The following ZUP1 variants were observed in gnomAD, a reference collection of about 807,000 sequenced individuals.
The protein encoded by ZUP1 is zinc finger containing ubiquitin peptidase 1.
ZUP1 carries 55 observed loss-of-function variants against 68.1 expected under a neutral mutation model. That is an observed-to-expected ratio of 0.81 (90% CI 0.65 to 1.01). ZUP1 has a LOEUF of 1.01. Among genes scored for constraint, ZUP1 ranks in the 50% least tolerant of loss-of-function variants. The pLI, the probability that ZUP1 is intolerant of heterozygous loss-of-function variation, is 0.00. For missense variants in ZUP1, 684 were observed against 674.9 expected (o/e 1.01, Z -0.15); for synonymous variants, 223 against 221.5 (o/e 1.01, Z -0.06).
chr6:116,637,359 A>G (rs1471031265), intron 9 of ZUP1, among the ~76,000 whole-genome samples: 1 of 152,170 alleles, frequency 6.6e-6, no homozygotes, highest in African/African-American at 2.4e-5. Flanking sequence ...TGTGCTTAGG[A>G]TAAGATAGCC....
intron 2 of ZUP1, among the ~76,000 whole-genome samples, chr6:116,664,623 C>T (rs1057115551): frequency 1.3e-5 from 2 of 151,692 alleles, no homozygotes; most frequent in East Asian, 1.9e-4. Flanking sequence ...AAATGAAGAA[C>T]GAGGGAAAAA....
intron 9 of ZUP1, among the ~76,000 whole-genome samples, chr6:116,640,630 G>T: frequency 6.6e-6 from 1 of 151,834 alleles, no homozygotes; most frequent in South Asian, 2.1e-4. Context: ...TTACAGACAA[G>T]CAAATGCTGA....
chr6:116,662,626 T>C (rs1316315743), intron 2 of ZUP1, among the ~76,000 whole-genome samples: 1 of 152,206 alleles, frequency 6.6e-6, no homozygotes, highest in Non-Finnish European at 1.5e-5. Flanking sequence ...CCATCGGTCA[T>C]CAGTCAGCTT....
At chr6:116,651,966 T>C (rs1489343860) in intron 6 of ZUP1, 38 bp downstream of exon 6, 4 of 1,588,638 alleles carry the variant, frequency 2.5e-6, no homozygotes, top group Non-Finnish European at 3.4e-6. Context: ...ATATGTATTT[T>C]ATCAGATGAC....
intron 5 of ZUP1, among the ~76,000 whole-genome samples, chr6:116,652,610 A>G (rs1776545990): frequency 6.6e-6 from 1 of 152,022 alleles, no homozygotes; most frequent in Non-Finnish European, 1.5e-5. Context: ...AGATTTTGCA[A>G]TTTTCGAAGC....
chr6:116,644,483 T>C (rs963248877), intron 9 of ZUP1, among the ~76,000 whole-genome samples: 4 of 152,190 alleles, frequency 2.6e-5, no homozygotes, highest in East Asian at 3.8e-4. Context: ...ATGTGGCACA[T>C]ATATACCATG....
chr6:116,661,345 C>T (rs1012493918), intron 2 of ZUP1, among the ~76,000 whole-genome samples: 4 of 142,990 alleles, frequency 2.8e-5, no homozygotes, highest in African/African-American at 1.0e-4. Context: ...TCTCATACCA[C>T]TCCAAAAAAA....
chr6:116,657,409 T>C (rs1341328307), intron 4 of ZUP1, among the ~76,000 whole-genome samples: 2 of 152,152 alleles, frequency 1.3e-5, no homozygotes, highest in South Asian at 2.1e-4. Context: ...AACAACTAAC[T>C]TGCAAAATTA....
chr6:116,647,472 A>G lies in ZUP1; in HGVS notation c.1455T>C (p.Tyr485=). 6.4e-7 allele frequency: 1 copy of G among 1,568,368 alleles called. No homozygotes were observed. Among genetic ancestry groups the G allele is most frequent in the Non-Finnish European group, 8.7e-7 (1 of 1,152,156 alleles). ...ATTAATACTAACCTTGATGCTGAAG[A>G]TAGATAGGAGGTTTAGATGTACACA... The part of the protein sequence containing the change: ...KVVCTSKPPI[Y]LQHQGHSRTV... Residue 485 remains tyrosine, a synonymous_variant, in exon 8 of 10, where the codon TAT becomes TAC. Transcript: ENST00000368576.
chr6:116,660,572 A>G (rs1562410450), intron 3 of ZUP1, among the ~76,000 whole-genome samples, 164 bp downstream of exon 3: 1 of 152,216 alleles, frequency 6.6e-6, no homozygotes, highest in African/African-American at 2.4e-5. Context: ...ATATTCAGAT[A>G]CTTCTAGCTG....
In ZUP1 at chr6:116,647,511, C is replaced by T; in HGVS notation, c.1416G>A (p.Gly472=). The T allele has an allele frequency of 6.2e-7, 1 of 1,600,462 alleles. No individual in the cohort carries two copies. The highest frequency in any genetic ancestry group is 1.7e-5 in the Admixed American group (1 of 59,798). Residue 472 remains glycine (G), a synonymous_variant, in exon 8 of 10, where the codon GGG becomes GGA. Transcript: ENST00000368576. The part of the protein sequence containing the change: ...ILNYYSSEGE[G]SPKVVCTSKP... ...TAGATGTACACACTACCTTTGGACT[C>T]CCTTCTCCCTCTGAAGAATAATAGT... is the stretch of plus-strand genomic sequence containing the variant.
chr6:116,661,451 G>C (rs1315772876), intron 2 of ZUP1, among the ~76,000 whole-genome samples: 3 of 152,146 alleles, frequency 2.0e-5, no homozygotes, highest in African/African-American at 7.2e-5. Flanking sequence ...TCTGGATATG[G>C]GTTTTTAGGA....
At chr6:116,649,505 CA>C (rs2115394792) in intron 7 of ZUP1, among the ~76,000 whole-genome samples, 1 of 152,030 alleles carries the variant, frequency 6.6e-6, no homozygotes, top group Admixed American at 6.5e-5. Flanking sequence ...CCGTATGTTT[CA>C]AAATCAGAGA....
intron 9 of ZUP1, among the ~76,000 whole-genome samples, chr6:116,644,078 T>A (rs1438567009): frequency 2.6e-5 from 4 of 151,986 alleles, no homozygotes; most frequent in African/African-American, 9.7e-5. Flanking sequence ...GCCAAAAGAC[T>A]CATGAAAAAA....
In ZUP1 at chr6:116,652,037, A is replaced by G. The variant is rs200024158; in HGVS notation, c.1117T>C (p.Leu373=). ...RNFQMLLSSL[L]QNDAYNDCLK... The stretch of plus-strand genomic sequence containing the variant: ...CAATCGTTGTAAGCATCATTTTGTA[A>G]TAATGATGAAAGTAGCATTTGGAAA... Residue 373 remains leucine (L), a synonymous_variant, in exon 6 of 10, where the codon TTA becomes CTA. Transcript: ENST00000368576. 2.3e-5 allele frequency: 37 copies of G among 1,613,850 alleles called. No individual in the cohort carries two copies. Among genetic ancestry groups the G allele is most frequent in the Non-Finnish European group, 2.5e-5 (29 of 1,179,894 alleles).
chr6:116,635,970 A>G (rs1583355449), intron 9 of ZUP1, 91 bp from the exon 10 acceptor site: 1 of 918,058 alleles, frequency 1.1e-6, no homozygotes, highest in African/African-American at 1.7e-5. Context: ...TAAAATCTGG[A>G]ATTTTTTTTC....
At chr6:116,663,561 T>C (rs533708572) in intron 2 of ZUP1, among the ~76,000 whole-genome samples, 1 of 152,204 alleles carries the variant, frequency 6.6e-6, no homozygotes. Context: ...TTTTTTTTCC[T>C]TGCAGCAGTC....
At chr6:116,660,694 A>G (rs751454047) in intron 3 of ZUP1, 42 bp downstream of exon 3, 1 of 1,151,542 alleles carries the variant, frequency 8.7e-7, no homozygotes, top group South Asian at 1.4e-5. Flanking sequence ...CCTAGAAAGT[A>G]GAAATTAAAT....
intron 4 of ZUP1, among the ~76,000 whole-genome samples, chr6:116,657,536 C>T (rs1194954571): frequency 1.3e-5 from 2 of 152,018 alleles, no homozygotes; most frequent in Non-Finnish European, 2.9e-5. Context: ...TTGTGAGTCA[C>T]CAGTGAGAAA....
Sources: gnomAD v4.1 joint callset for allele counts (sites outside exome capture counted in the v4.1 genomes callset) on GRCh38, gnomAD v4.1.1 for gene constraint, MANE v1.5 for transcripts, NCBI Gene and HGNC (gene_info 2026-07-23, HGNC 2026-07-21) for gene names.